Variants in TSPAN9 observed in about 807,000 individuals in gnomAD.
TSPAN9 encodes tetraspanin-9.
In TSPAN9, 16 loss-of-function variants were observed where a neutral mutation model predicts 31.0. The observed-to-expected ratio is 0.52, with a 90% CI of 0.35 to 0.78. The LOEUF (loss-of-function observed/expected upper bound fraction) is 0.78, where lower values mean the gene tolerates loss of function less well. Ranked by LOEUF, TSPAN9 falls within the 30% of genes least tolerant of loss-of-function variation. The pLI is 0.01. For synonymous variants in TSPAN9, 145 were observed against 121.6 expected (o/e 1.19, Z -1.27); for missense variants, 272 against 312.5 (o/e 0.87, Z 0.98).
chr12:3,109,143 A>T (rs11611348), intron 2 of TSPAN9, among the ~76,000 whole-genome samples: 2 of 151,396 alleles, frequency 1.3e-5, no homozygotes, highest in African/African-American at 2.4e-5. Context: ...TCACCGTGTT[A>T]GCCAGGATGG....
intron 3 of TSPAN9, among the ~76,000 whole-genome samples, chr12:3,235,883 A>G (rs141104943): frequency 3.9e-5 from 6 of 152,366 alleles, no homozygotes; most frequent in African/African-American, 1.4e-4. Context: ...TGCCTGCAAC[A>G]GCACTTAATT....
At chr12:3,089,438 A>AG (rs1455254316) in intron 2 of TSPAN9, among the ~76,000 whole-genome samples, 14 of 150,890 alleles carry the variant, frequency 9.3e-5, no homozygotes, top group South Asian at 2.1e-4. Flanking sequence ...CTGGGATTAC[A>AG]GGCATGTGCC....
At chr12:3,173,817 C>G (rs1381266055) in intron 2 of TSPAN9, 1 of 152,236 alleles carries the variant, frequency 6.6e-6, no homozygotes, top group African/African-American at 2.4e-5. Flanking sequence ...AAAGATCTCT[C>G]TCTCTCCTTT....
intron 2 of TSPAN9, among the ~76,000 whole-genome samples, chr12:3,135,826 T>C (rs980614076): frequency 2.0e-5 from 3 of 152,212 alleles, no homozygotes; most frequent in Non-Finnish European, 4.4e-5. Flanking sequence ...CTCTCAGACG[T>C]ACCCTGTGTC....
intron 3 of TSPAN9, among the ~76,000 whole-genome samples, chr12:3,224,500 G>A (rs775875119): frequency 6.6e-6 from 1 of 152,260 alleles, no homozygotes; most frequent in African/African-American, 2.4e-5. Flanking sequence ...CCAGTGAGCT[G>A]GGGGCAGAGG....
intron 1 of TSPAN9, among the ~76,000 whole-genome samples, chr12:3,081,792 C>A (rs2153961694): frequency 6.8e-6 from 1 of 147,598 alleles, no homozygotes; most frequent in East Asian, 2.0e-4. Flanking sequence ...ATAGTGAGGC[C>A]TCTGTATCTA....
At chr12:3,246,001 C>T (rs1862117740) in intron 3 of TSPAN9, among the ~76,000 whole-genome samples, 1 of 151,914 alleles carries the variant, frequency 6.6e-6, no homozygotes, top group African/African-American at 2.4e-5. Flanking sequence ...AAATAAATAA[C>T]CTGAGACTGG....
At chr12:3,099,809 G>A (rs548971125) in intron 2 of TSPAN9, among the ~76,000 whole-genome samples, 3 of 149,802 alleles carry the variant, frequency 2.0e-5, no homozygotes, top group African/African-American at 4.9e-5. Context: ...GGATTCTACC[G>A]AATACCCTGT....
At chr12:3,235,027 C>T (rs1160685178) in intron 3 of TSPAN9, among the ~76,000 whole-genome samples, 6 of 147,080 alleles carry the variant, frequency 4.1e-5, no homozygotes, top group African/African-American at 7.5e-5. Flanking sequence ...ATTAGCCGGG[C>T]GTGGTGGTGG....
At chr12:3,244,124 G>A (rs1486550610) in intron 3 of TSPAN9, among the ~76,000 whole-genome samples, 1 of 152,198 alleles carries the variant, frequency 6.6e-6, no homozygotes, top group Non-Finnish European at 1.5e-5. Context: ...GGTGATGGGT[G>A]CTTAAGCGAT....
chr12:3,091,624 G>C (rs775180250), intron 2 of TSPAN9, among the ~76,000 whole-genome samples: 4 of 152,212 alleles, frequency 2.6e-5, no homozygotes, highest in African/African-American at 4.8e-5. Flanking sequence ...GTGTTCTTTT[G>C]CCTGTCAACT....
At chr12:3,089,691 A>G (rs935142685) in intron 2 of TSPAN9, among the ~76,000 whole-genome samples, 2 of 151,950 alleles carry the variant, frequency 1.3e-5, no homozygotes, top group African/African-American at 2.4e-5. Context: ...TGGGAGGATC[A>G]GTTGAGCTCA....
intron 1 of TSPAN9, among the ~76,000 whole-genome samples, chr12:3,081,237 ACTT>A (rs1277054542): frequency 1.3e-5 from 2 of 151,998 alleles, no homozygotes; most frequent in Non-Finnish European, 2.9e-5. Context: ...AGAGGACAAG[ACTT>A]CTTTTCTCTG....
intron 2 of TSPAN9, among the ~76,000 whole-genome samples, chr12:3,118,504 G>A (rs1223484814): frequency 6.6e-6 from 1 of 151,700 alleles, no homozygotes; most frequent in South Asian, 2.1e-4. Context: ...CAGATGATCC[G>A]ACCGCCTTGG....
In TSPAN9 at chr12:3,281,569, C is replaced by T. The variant is rs1008844428; in HGVS notation, c.565-165C>T. On this transcript the variant is annotated intron_variant, in intron 7 of 8. Transcript: ENST00000011898. The stretch of plus-strand genomic sequence containing the variant: ...GTCTGAGGCTCTGCAGCTGGCCTTG[C>T]GGGTGGGGCGGAGGCTGCGCCAAGG... Among the ~76,000 whole-genome samples, 5 of 151,734 alleles carry T rather than the reference C, an allele frequency of 3.3e-5. No individual in the cohort carries two copies. The East Asian group carries it at 7.8e-4, about 24-fold the overall frequency.
chr12:3,193,888 C>T (rs562611030), intron 2 of TSPAN9, among the ~76,000 whole-genome samples: 1 of 152,322 alleles, frequency 6.6e-6, no homozygotes, highest in South Asian at 2.1e-4. Context: ...GGCTGTGCCA[C>T]GTGCTGGGGA....
intron 2 of TSPAN9, among the ~76,000 whole-genome samples, chr12:3,158,721 C>CAAAA (rs765787475): frequency 0.13 from 7,404 of 57,666 alleles, 1,149 homozygotes; most frequent in East Asian, 0.19. Flanking sequence ...GACTCTGTCT[C>CAAAA]AAAAAAAAAA....
chr12:3,133,339 T>C (rs1469607187), intron 2 of TSPAN9, among the ~76,000 whole-genome samples: 5 of 152,336 alleles, frequency 3.3e-5, no homozygotes, highest in African/African-American at 1.2e-4. Flanking sequence ...CAGCAGTCTG[T>C]CTGTCTAAAG....
chr12:3,167,473 T>C (rs2098349131), intron 2 of TSPAN9, among the ~76,000 whole-genome samples: 1 of 152,230 alleles, frequency 6.6e-6, no homozygotes, highest in African/African-American at 2.4e-5. Flanking sequence ...ATTGGGCTTA[T>C]CTCTTGTGTA....
Sources: allele counts gnomAD v4.1 joint callset (sites outside exome capture counted in the v4.1 genomes callset), GRCh38; gene constraint gnomAD v4.1.1; transcripts MANE v1.5; gene names NCBI Gene and HGNC (gene_info 2026-07-23, HGNC 2026-07-21).